MYO5C: variants seen among roughly 807,000 people sequenced by gnomAD.
MYO5C encodes the protein unconventional myosin-Vc.
A neutral mutation model predicts 235.7 loss-of-function variants in MYO5C; 194 were observed. The observed-to-expected ratio is 0.82, with a 90% CI of 0.73 to 0.93. The LOEUF (loss-of-function observed/expected upper bound fraction) is 0.93. Ranked by LOEUF, MYO5C falls within the 40% of genes least tolerant of loss-of-function variation. The pLI is 0.00. For synonymous variants in MYO5C, 707 were observed against 754.8 expected (o/e 0.94, Z 1.04); for missense variants, 2,038 against 2,127.2 (o/e 0.96, Z 0.82).
intron 11 of MYO5C, among the ~76,000 whole-genome samples, chr15:52,253,761 C>T (rs2036523172): frequency 6.6e-6 from 1 of 152,238 alleles, no homozygotes; most frequent in African/African-American, 2.4e-5. Context: ...CCCCTTCCTG[C>T]TAGCAGCTAT....
rs542747295 is a variant in MYO5C at position 52,214,579 on chromosome 15, A to T, written c.4042+24T>A. ...CATGTTAGCCTTAGCTCAAAAGAATAAGAAAACAAGTATTGTTTCTTACCT... is the reference window on the plus strand; with the variant it reads ...CATGTTAGCCTTAGCTCAAAAGAATTAGAAAACAAGTATTGTTTCTTACCT... On this transcript the variant is annotated intron_variant, in intron 33 of 40. Coordinates refer to ENST00000261839, the MANE Select transcript of MYO5C (RefSeq NM_018728.4). 159 of 1,528,598 alleles carry T rather than the reference A, an allele frequency of 1.0e-4. 2 individuals are homozygous for T. In the South Asian group the frequency reaches 1.8e-3, roughly 18 times the overall value. 94.7% of individuals were successfully genotyped at this position (1,528,598 alleles called of 1,614,324 possible). A position where few individuals can be genotyped will look rare whatever the true frequency, so the allele number is the denominator to read the frequency against.
intron 3 of MYO5C, 90 bp from the exon 4 acceptor site, chr15:52,279,107 C>T (rs1039140033): frequency 7.5e-7 from 1 of 1,338,266 alleles, no homozygotes; most frequent in Non-Finnish European, 1.0e-6. Context: ...AGCTCTGTCG[C>T]TTATTAAACC....
intron 10 of MYO5C, among the ~76,000 whole-genome samples, chr15:52,259,072 G>T (rs2036638303): frequency 6.6e-6 from 1 of 152,132 alleles, no homozygotes; most frequent in Admixed American, 6.5e-5. Flanking sequence ...CATCTATGCT[G>T]TTCAACCACT....
At chr15:52,194,150 G>A (rs1239828996) in intron 40 of MYO5C, 96 bp from the exon 41 acceptor site, 4 of 1,165,180 alleles carry the variant, frequency 3.4e-6, no homozygotes, top group Non-Finnish European at 4.9e-6. Context: ...TATCTCTAGT[G>A]GAGAGCTCCT....
Position 52,223,670 on chromosome 15 carries a change from T to C in MYO5C, c.3501A>G (p.Glu1167=). Reference sequence around the variant, plus strand: ...GATGCACCACTTTGAAGTTCAAAGCTTCAATCTCCTTTTCATAGCAATCCT... The same window carrying C: ...GATGCACCACTTTGAAGTTCAAAGCCTCAATCTCCTTTTCATAGCAATCCT... ...SQKDCYEKEI[E]ALNFKVVHLS... is the part of the protein sequence containing the mutation. Residue 1167 remains glutamate, a synonymous_variant, in exon 29 of 41, where the codon GAA becomes GAG. Coordinates refer to ENST00000261839, the MANE Select transcript of MYO5C (RefSeq NM_018728.4). The C allele has an allele frequency of 6.2e-7, 1 of 1,614,158 alleles. No homozygotes were observed. The highest frequency in any genetic ancestry group is 8.5e-7 in the Non-Finnish European group (1 of 1,180,014).
At chr15:52,263,117 C>T (rs537471849) in intron 9 of MYO5C, among the ~76,000 whole-genome samples, 27 of 152,202 alleles carry the variant, frequency 1.8e-4, no homozygotes, top group African/African-American at 6.3e-4. Flanking sequence ...GCCTCTAGAA[C>T]GGTGAGGAAA....
At chr15:52,233,257 C>A (rs1401556118) in intron 23 of MYO5C, among the ~76,000 whole-genome samples, 2 of 10,630 alleles carry the variant, frequency 1.9e-4, no homozygotes, top group African/African-American at 2.8e-4. Flanking sequence ...CCAGCCTGGG[C>A]GACAGAGCGA....
intron 35 of MYO5C, among the ~76,000 whole-genome samples, chr15:52,210,697 C>A (rs1289897622): frequency 6.6e-6 from 1 of 152,120 alleles, no homozygotes; most frequent in Non-Finnish European, 1.5e-5. Flanking sequence ...AGCAACTATC[C>A]CTGTAAGCAA....
At chr15:52,286,937 T>TA (rs1056891976) in intron 1 of MYO5C, among the ~76,000 whole-genome samples, 53 of 50,232 alleles carry the variant, frequency 1.1e-3, no homozygotes, top group Middle Eastern at 0.011. Context: ...GAATGATCAA[T>TA]AAAAAAAAAA....
chr15:52,211,612 C>T, intron 35 of MYO5C, 118 bp downstream of exon 35: 5 of 1,161,152 alleles, frequency 4.3e-6, no homozygotes, highest in Non-Finnish European at 6.2e-6. Context: ...GGGCCTCAAA[C>T]TTGTTTGAGG....
Position 52,288,954 on chromosome 15 carries a change from G to A in MYO5C, c.28-6062C>T, listed in dbSNP as rs145493019. ...TGAGATGAGAACAGCATCTTCTCAC[G>A]CCGCCTGCTTTTCTGAGGGATCTTC... On this transcript the variant is annotated intron_variant, in intron 1 of 40. Transcript: ENST00000261839. Among the ~76,000 whole-genome samples, 1,244 of 152,264 alleles carry A rather than the reference G, an allele frequency of 8.2e-3. 19 individuals carry two copies. Among genetic ancestry groups the A allele is most frequent in the African/African-American group, 0.029 (1,214 of 41,532 alleles).
intron 38 of MYO5C, among the ~76,000 whole-genome samples, chr15:52,202,772 G>A (rs558623890): frequency 1.1e-3 from 168 of 152,260 alleles, no homozygotes; most frequent in African/African-American, 3.4e-3. Context: ...AATGGTCTAT[G>A]GGGATTGACT....
rs2036297252 is a variant in MYO5C, at chr15:52,244,504, A to T, written c.2242T>A (p.Leu748Ile). Residue 748 changes from leucine to isoleucine, a missense_variant, in exon 19 of 41, where the codon TTA (leucine) becomes ATA (isoleucine). Physicochemically the swap from Leu to Ile is conservative, Grantham distance 5 (BLOSUM62 2). Coordinates refer to ENST00000261839, the MANE Select transcript of MYO5C (RefSeq NM_018728.4). Reference protein sequence around the residue: ...IFFRAGQVAYLEKLRLDKLRQ... With the variant: ...IFFRAGQVAYIEKLRLDKLRQ... ...AGTTTATCCAATCGAAGTTTCTCTA[A>T]ATAAGCCACTTGTCCTGCTCTGAAG... 1.9e-6 allele frequency: 3 copies of T among 1,614,008 alleles called. No homozygotes were observed. The highest frequency in any genetic ancestry group is 2.5e-6 in the Non-Finnish European group (3 of 1,180,024).
At chr15:52,246,130 G>A in intron 16 of MYO5C, 88 bp from the exon 17 acceptor site, 1 of 1,002,142 alleles carries the variant, frequency 1.0e-6, no homozygotes, top group Non-Finnish European at 1.6e-6. Flanking sequence ...GCTAGACTGT[G>A]ACCCTATGCC....
Position 52,267,195 on chromosome 15 carries a change from AG to A in MYO5C, c.940+2557del, listed in dbSNP as rs373497991. Among the ~76,000 whole-genome samples the A allele has an allele frequency of 6.6e-5, 10 of 152,306 alleles. No homozygotes were observed. The East Asian group carries it at 1.4e-3, about 21-fold the overall frequency. On this transcript the variant is annotated intron_variant, in intron 8 of 40. Coordinates refer to ENST00000261839, the MANE Select transcript of MYO5C (RefSeq NM_018728.4). ...ATTGCTGATCTCCAACAATTAGAAA[AG>A]GTTTCATGGAAGAAGAGATGGTTTT...
intron 11 of MYO5C, among the ~76,000 whole-genome samples, 180 bp from the exon 12 acceptor site, chr15:52,253,637 G>A (rs754261174): frequency 6.6e-6 from 1 of 152,210 alleles, no homozygotes; most frequent in Non-Finnish European, 1.5e-5. Flanking sequence ...TTCCTAAAGC[G>A]AGTCTAGCTG....
chr15:52,196,248 A>T (rs2035049675), intron 39 of MYO5C, 61 bp downstream of exon 39: 1 of 1,478,602 alleles, frequency 6.8e-7, no homozygotes, highest in African/African-American at 1.4e-5. Flanking sequence ...CAAGAAAGGC[A>T]ATGCCCACTG....
At chr15:52,253,673 G>GTC (rs1278145480) in intron 11 of MYO5C, among the ~76,000 whole-genome samples, 1 of 152,204 alleles carries the variant, frequency 6.6e-6, no homozygotes, top group Non-Finnish European at 1.5e-5. Context: ...GTCTGAGTGG[G>GTC]TCTCTACCTC....
intron 38 of MYO5C, among the ~76,000 whole-genome samples, chr15:52,197,262 G>A (rs1184537001): frequency 6.6e-6 from 1 of 152,176 alleles, no homozygotes. Context: ...ATGAATGAAT[G>A]AACAAACTGT....
Sources: gnomAD v4.1 joint callset for allele counts (sites outside exome capture counted in the v4.1 genomes callset) on GRCh38, gnomAD v4.1.1 for gene constraint, MANE v1.5 for transcripts, NCBI Gene and HGNC (gene_info 2026-07-23, HGNC 2026-07-21) for gene names.